The following LIN54 variants were observed in gnomAD, a reference collection of about 807,000 sequenced individuals.
The protein encoded by LIN54 is protein lin-54 homolog.
Under a neutral mutation model 78.7 loss-of-function variants are expected in LIN54, and 9 were observed. The ratio of observed to expected loss-of-function variants is 0.11; its 90% CI spans 0.07 to 0.20. The LOEUF is 0.20. Ranked by LOEUF, LIN54 falls within the 10% of genes least tolerant of loss-of-function variation. The pLI is 1.00. For synonymous variants in LIN54, 269 were observed against 318.4 expected (o/e 0.84, Z 1.65); for missense variants, 573 against 889.9 (o/e 0.64, Z 4.53).
In LIN54 at chr4:82,947,235, A is replaced by ATATATTTTT; in HGVS notation, c.952-762_952-761insAAAAATATA. ...TATATATATATATATATATATATATATTTTTTTTTTTTTTGAAGACAGGGT... is the reference window on the plus strand; with the variant it reads ...TATATATATATATATATATATATATATATATTTTTTTTTTTTTTTTTTTGAAGACAGGGT... On this transcript the variant is annotated intron_variant, in intron 4 of 12. Coordinates refer to ENST00000340417, the MANE Select transcript of LIN54 (RefSeq NM_194282.4). 6.2e-3 allele frequency among the ~76,000 whole-genome samples: 273 copies of ATATATTTTT among 44,278 alleles called. 11 individuals are homozygous for ATATATTTTT. Among genetic ancestry groups the ATATATTTTT allele is most frequent in the Middle Eastern group, 0.077 (2 of 26 alleles). The allele number at this position is 44,278 out of a possible 152,430, so 29.0% of individuals were successfully genotyped here.
At chr4:83,002,572 TCTACC>T (rs1728964018) in intron 1 of LIN54, among the ~76,000 whole-genome samples, 1 of 152,086 alleles carries the variant, frequency 6.6e-6, no homozygotes, top group Non-Finnish European at 1.5e-5. Flanking sequence ...TGTCTCCTCA[TCTACC>T]TCCTCCACCT....
At chr4:82,958,590 C>T (rs1056698493) in intron 4 of LIN54, among the ~76,000 whole-genome samples, 2 of 152,094 alleles carry the variant, frequency 1.3e-5, no homozygotes, top group African/African-American at 2.4e-5. Context: ...AAAACTGCTA[C>T]GTTACTTTTT....
intron 1 of LIN54, among the ~76,000 whole-genome samples, chr4:82,996,188 C>T (rs1728204093): frequency 1.3e-5 from 2 of 151,948 alleles, no homozygotes; most frequent in Admixed American, 1.3e-4. Flanking sequence ...GTTACATGAT[C>T]CATCATGCTA....
rs1242077423 is a variant in LIN54 at position 82,991,788 on chromosome 4, AT to A, written c.-32-6913del. 3.9e-5 allele frequency among the ~76,000 whole-genome samples: 6 copies of A among 152,210 alleles called. No individual in the cohort carries two copies. The East Asian group carries it at 9.6e-4, about 24-fold the overall frequency. On this transcript the variant is annotated intron_variant, in intron 1 of 12. Coordinates refer to ENST00000340417, the MANE Select transcript of LIN54 (RefSeq NM_194282.4). ...TTTTTTTAATCTGTGAATTATATTA[AT>A]TTTTGATTAAATTAATTTTGCATTC... is the stretch of plus-strand genomic sequence containing the variant.
rs537329208 is a variant in LIN54, at chr4:82,955,369, AATAACATAAC to A, written c.952-8905_952-8896del. ...ACAGAGCGAGACTCCATCTCAAAAA[AATAACATAAC>A]ATAACATAACATAACATAACATAAC... On this transcript the variant is annotated intron_variant, in intron 4 of 12. Transcript: ENST00000340417. Among the ~76,000 whole-genome samples, 1,093 of 138,390 alleles carry A rather than the reference AATAACATAAC, an allele frequency of 7.9e-3. 9 individuals carry two copies. The highest frequency in any genetic ancestry group is 0.026 in the African/African-American group (943 of 36,952). 90.8% of individuals were successfully genotyped at this position (138,390 alleles called of 152,430 possible).
intron 1 of LIN54, among the ~76,000 whole-genome samples, chr4:83,001,493 T>C (rs763288219): frequency 4.0e-5 from 6 of 151,844 alleles, no homozygotes; most frequent in Non-Finnish European, 8.8e-5. Context: ...AAGGATGCGG[T>C]GAGCTATGAT....
intron 2 of LIN54, among the ~76,000 whole-genome samples, chr4:82,983,059 G>A (rs1203146197): frequency 6.8e-6 from 1 of 147,900 alleles, no homozygotes; most frequent in Non-Finnish European, 1.5e-5. Flanking sequence ...CCAGGCTGGA[G>A]TGCAATGGCG....
Position 82,928,483 on chromosome 4 carries a change from G to A in LIN54, c.2049-180C>T, listed in dbSNP as rs146672630. Reference sequence around the variant, plus strand: ...AAAGGGCTTTAAAAAGTTAAATTTGGTTTTATTCACATATTGTAAGAATAT... The same window carrying A: ...AAAGGGCTTTAAAAAGTTAAATTTGATTTTATTCACATATTGTAAGAATAT... On this transcript the variant is annotated intron_variant, in intron 12 of 12. Transcript: ENST00000340417. Among the ~76,000 whole-genome samples, 560 of 152,272 alleles carry A rather than the reference G, an allele frequency of 3.7e-3. 7 individuals are homozygous for A. Among genetic ancestry groups the A allele is most frequent in the African/African-American group, 0.012 (515 of 41,550 alleles).
intron 1 of LIN54, among the ~76,000 whole-genome samples, chr4:83,001,851 A>C: frequency 3.4e-5 from 1 of 29,646 alleles, no homozygotes; most frequent in African/African-American, 1.7e-4. Context: ...CTGTCTCAAA[A>C]AAAAAAAAAG....
chr4:82,973,036 T>G (rs536705492), intron 3 of LIN54, among the ~76,000 whole-genome samples: 3 of 151,838 alleles, frequency 2.0e-5, no homozygotes, highest in Non-Finnish European at 2.9e-5. Context: ...TTGATGTTAA[T>G]TCACTTAAAA....
intron 8 of LIN54, 96 bp downstream of exon 8, chr4:82,938,317 G>GA: frequency 5.4e-6 from 4 of 737,286 alleles, no homozygotes; most frequent in Non-Finnish European, 7.0e-6. Flanking sequence ...GCTTTAAGGG[G>GA]AAAAAAATAA....
At chr4:82,985,758 C>A (rs1415678396) in intron 1 of LIN54, among the ~76,000 whole-genome samples, 2 of 152,206 alleles carry the variant, frequency 1.3e-5, no homozygotes, top group Admixed American at 6.5e-5. Context: ...CCAGGCTGGT[C>A]TCGAACTCCT....
intron 1 of LIN54, among the ~76,000 whole-genome samples, chr4:82,991,323 C>T (rs1727684692): frequency 6.6e-6 from 1 of 152,030 alleles, no homozygotes; most frequent in African/African-American, 2.4e-5. Flanking sequence ...TGGCATTTTC[C>T]ATTTTCCAAT....
intron 4 of LIN54, among the ~76,000 whole-genome samples, chr4:82,957,349 C>A (rs1343267098): frequency 2.0e-5 from 3 of 152,222 alleles, no homozygotes. Flanking sequence ...GAATCCACCA[C>A]ACAGACATTG....
chr4:82,958,668 AT>A (rs1457052807), intron 4 of LIN54, among the ~76,000 whole-genome samples: 5 of 152,090 alleles, frequency 3.3e-5, no homozygotes, highest in African/African-American at 1.2e-4. Flanking sequence ...CTAGGTTTTA[AT>A]TTTTTTAAAT....
chr4:82,967,487 T>C (rs1345164058), intron 4 of LIN54, among the ~76,000 whole-genome samples: 1 of 152,156 alleles, frequency 6.6e-6, no homozygotes, highest in African/African-American at 2.4e-5. Flanking sequence ...CACTGGGTTC[T>C]AGAAGTTTCC....
chr4:82,993,370 C>T (rs1002396595), intron 1 of LIN54, among the ~76,000 whole-genome samples: 15 of 151,602 alleles, frequency 9.9e-5, no homozygotes, highest in African/African-American at 1.7e-4. Flanking sequence ...GCATGCGCCA[C>T]CACCCCTGGC....
chr4:82,944,632 T>C (rs1410081455), intron 5 of LIN54: 1 of 152,222 alleles, frequency 6.6e-6, no homozygotes, highest in Admixed American at 6.5e-5. Context: ...CTTCAGTAAT[T>C]TGAAAGAGAA....
chr4:82,970,326 C>T lies in LIN54; in HGVS notation c.951+1G>A. The T allele has an allele frequency of 6.2e-7, 1 of 1,601,334 alleles. No individual in the cohort carries two copies. The highest frequency in any genetic ancestry group is 8.5e-7 in the Non-Finnish European group (1 of 1,175,206). ...TATTTGTGGCTAATTTATTTTTTTA[C>T]CTTATTTGGCGATTTCAAAGGTGAG... On this transcript the variant is annotated splice_donor_variant, in intron 4 of 12. Transcript: ENST00000340417. LOFTEE classifies it high-confidence loss of function.
Sources: gnomAD v4.1 joint callset for allele counts (sites outside exome capture counted in the v4.1 genomes callset) on GRCh38, gnomAD v4.1.1 for gene constraint, MANE v1.5 for transcripts, NCBI Gene and HGNC (gene_info 2026-07-23, HGNC 2026-07-21) for gene names.